The following NFE2L2 variants were observed in gnomAD, a reference collection of about 807,000 sequenced individuals.
NFE2L2 encodes the protein nuclear factor erythroid 2-related factor 2.
In NFE2L2, 20 loss-of-function variants were observed where a neutral mutation model predicts 49.6. The observed-to-expected ratio is 0.40, with a 90% CI of 0.28 to 0.59. NFE2L2 has a LOEUF of 0.59. Ranked by LOEUF, NFE2L2 falls within the 20% of genes least tolerant of loss-of-function variation. NFE2L2 has a pLI of 0.40. For missense variants in NFE2L2, 578 were observed against 714.2 expected (o/e 0.81, Z 2.17); for synonymous variants, 244 against 256.5 (o/e 0.95, Z 0.47).
At chr2:177,259,635 A>G (rs865820071) in intron 1 of NFE2L2, among the ~76,000 whole-genome samples, 20 of 151,694 alleles carry the variant, frequency 1.3e-4, no homozygotes, top group African/African-American at 3.9e-4. Flanking sequence ...ATAGTCTGGT[A>G]CAAGAAATCC....
chr2:177,235,917 C>T (rs1328577109), intron 1 of NFE2L2, among the ~76,000 whole-genome samples: 1 of 152,174 alleles, frequency 6.6e-6, no homozygotes, highest in East Asian at 1.9e-4. Context: ...GTGTCAATAG[C>T]AGTTTTTCTG....
chr2:177,263,530 TG>T, intron 1 of NFE2L2: 1 of 985,524 alleles, frequency 1.0e-6, no homozygotes, highest in Non-Finnish European at 1.2e-6. Flanking sequence ...AGCTCCAACC[TG>T]TCCCTTGGCC....
intron 1 of NFE2L2, 78 bp downstream of exon 1, chr2:177,264,454 C>T: frequency 7.0e-7 from 1 of 1,436,606 alleles, no homozygotes. Context: ...TTGCGGCTGT[C>T]CCTCCCGGGC....
intron 1 of NFE2L2, among the ~76,000 whole-genome samples, chr2:177,236,644 G>A (rs563056207): frequency 6.6e-6 from 1 of 152,190 alleles, no homozygotes; most frequent in South Asian, 2.1e-4. Context: ...AGCTTCAGTC[G>A]GGTTCATGCT....
chr2:177,233,908 A>G, intron 2 of NFE2L2, 97 bp downstream of exon 2: 7 of 1,494,736 alleles, frequency 4.7e-6, no homozygotes, highest in Non-Finnish European at 6.3e-6. Flanking sequence ...TAAGTAAAAG[A>G]AAGGCAAAGC....
At chr2:177,257,356 C>A (rs887805513) in intron 1 of NFE2L2, among the ~76,000 whole-genome samples, 5 of 152,170 alleles carry the variant, frequency 3.3e-5, no homozygotes, top group African/African-American at 1.2e-4. Flanking sequence ...AAACACAGAG[C>A]AATCCTGCTG....
chr2:177,250,758 T>TG (rs1690309754), intron 1 of NFE2L2, among the ~76,000 whole-genome samples: 1 of 152,228 alleles, frequency 6.6e-6, no homozygotes, highest in African/African-American at 2.4e-5. Flanking sequence ...CACAGTGCGA[T>TG]GTGCTTAGGA....
chr2:177,236,206 G>A (rs551972123), intron 1 of NFE2L2, among the ~76,000 whole-genome samples: 10 of 152,340 alleles, frequency 6.6e-5, no homozygotes, highest in African/African-American at 2.4e-4. Flanking sequence ...TGAGGAGTCA[G>A]GCTATTTTTA....
At chr2:177,264,036 C>G (rs966684493) in intron 1 of NFE2L2, 1 of 832,866 alleles carries the variant, frequency 1.2e-6, no homozygotes, top group Non-Finnish European at 1.4e-6. Flanking sequence ...CGGGTCCCAG[C>G]CCGAAGGCGA....
intron 1 of NFE2L2, chr2:177,263,780 C>T (rs528344816): frequency 2.5e-4 from 250 of 985,518 alleles, no homozygotes; most frequent in Non-Finnish European, 2.9e-4. Flanking sequence ...CGAGCCCGAA[C>T]CCCTCCCCGG....
rs1690837301 is a variant in NFE2L2 at position 177,263,856 on chromosome 2, T to C, written c.45+676A>G. ...GGGGCTTCTGAGCCCGCTGGGCACT[T>C]AAGGCGCTCCTCCCTCGTCCCGGGG... is the stretch of plus-strand genomic sequence containing the variant. On this transcript the variant is annotated intron_variant, in intron 1 of 4. Transcript: ENST00000397062. 1.1e-5 allele frequency: 11 copies of C among 985,306 alleles called. No individual in the cohort carries two copies. The South Asian group carries it at 4.7e-4, about 42-fold the overall frequency. The allele number at this position is 985,306 out of a possible 1,614,324, so 61.0% of individuals were successfully genotyped here.
intron 1 of NFE2L2, among the ~76,000 whole-genome samples, chr2:177,245,002 CAAAAAA>C (rs56326022): frequency 0.011 from 559 of 49,068 alleles, 3 homozygotes; most frequent in Non-Finnish European, 0.016. Flanking sequence ...GACTCTGTCT[CAAAAAA>C]AAAAAAAAAA....
intron 1 of NFE2L2, among the ~76,000 whole-genome samples, chr2:177,257,200 T>G (rs1690556584): frequency 6.6e-6 from 1 of 152,240 alleles, no homozygotes; most frequent in South Asian, 2.1e-4. Flanking sequence ...GAACACAGCT[T>G]CCTAGAGTAA....
rs753075105 is a variant in NFE2L2 at position 177,264,022 on chromosome 2, G to T, written c.45+510C>A. 2.7e-3 allele frequency: 2,379 copies of T among 896,878 alleles called. 5 individuals are homozygous for T. The highest frequency in any genetic ancestry group is 2.9e-3 in the Non-Finnish European group (2,157 of 749,288). 55.6% of individuals were successfully genotyped at this position (896,878 alleles called of 1,614,324 possible). On this transcript the variant is annotated intron_variant, in intron 1 of 4. Transcript: ENST00000397062. ...GGAGGTCTTGGGGCGCGGCGAAGGGGCTCCGGGTCCCAGCCCGAAGGCGAC... is the reference window on the plus strand; with the variant it reads ...GGAGGTCTTGGGGCGCGGCGAAGGGTCTCCGGGTCCCAGCCCGAAGGCGAC...
intron 1 of NFE2L2, among the ~76,000 whole-genome samples, chr2:177,246,210 A>C (rs1690122697): frequency 6.6e-6 from 1 of 152,198 alleles, no homozygotes. Flanking sequence ...TAACTTGCCT[A>C]AAGAGAGCTT....
chr2:177,245,615 CTT>C (rs112067562), intron 1 of NFE2L2, among the ~76,000 whole-genome samples: 2 of 144,976 alleles, frequency 1.4e-5, no homozygotes, highest in South Asian at 2.2e-4. Flanking sequence ...GTATTGTAGT[CTT>C]TTTTTTTTTT....
intron 1 of NFE2L2, chr2:177,264,024 T>C: frequency 1.1e-6 from 1 of 885,696 alleles, no homozygotes; most frequent in Non-Finnish European, 1.4e-6. Flanking sequence ...GCGAAGGGGC[T>C]CCGGGTCCCA....
chr2:177,264,037 C>T (rs1476521606), intron 1 of NFE2L2: 1 of 803,934 alleles, frequency 1.2e-6, no homozygotes, highest in Non-Finnish European at 1.5e-6. Flanking sequence ...GGGTCCCAGC[C>T]CGAAGGCGAC....
Position 177,264,654 on chromosome 2 carries a change from G to C in NFE2L2, c.-78C>G, listed in dbSNP as rs1237902614. 1 of 1,291,356 alleles carries C rather than the reference G, an allele frequency of 7.7e-7. No homozygotes were observed. The highest frequency in any genetic ancestry group is 1.6e-5 in the African/African-American group (1 of 61,604). 80.0% of individuals were successfully genotyped at this position (1,291,356 alleles called of 1,614,324 possible). ...TGCCGAGGCGCGGCGCGGACAGGGC[G>C]GCTCTGGTGGCGGCGGCGGCGGCGG... On this transcript the variant is annotated 5_prime_UTR_variant, in exon 1 of 5. Transcript: ENST00000397062.
Sources: allele counts gnomAD v4.1 joint callset (sites outside exome capture counted in the v4.1 genomes callset), GRCh38; gene constraint gnomAD v4.1.1; transcripts MANE v1.5; gene names NCBI Gene and HGNC (gene_info 2026-07-23, HGNC 2026-07-21).